ATRNL1: variants seen among roughly 807,000 people sequenced by gnomAD.
ATRNL1 encodes the protein attractin-like protein 1.
ATRNL1 carries 95 observed loss-of-function variants against 182.7 expected under a neutral mutation model. That is an observed-to-expected ratio of 0.52 (90% CI 0.44 to 0.62). The LOEUF (loss-of-function observed/expected upper bound fraction) is 0.62. Among genes scored for constraint, ATRNL1 ranks in the 20% least tolerant of loss-of-function variants. The probability of loss-of-function intolerance (pLI) is 0.00; values close to 1 mark genes in which losing one functional copy is unlikely to be tolerated. For missense variants in ATRNL1, 1,471 were observed against 1,679.5 expected (o/e 0.88, Z 2.17); for synonymous variants, 576 against 568.3 (o/e 1.01, Z -0.19).
At chr10:115,115,561 G>C (rs1554869682) in intron 1 of ATRNL1, among the ~76,000 whole-genome samples, 1 of 151,902 alleles carries the variant, frequency 6.6e-6, no homozygotes, top group Non-Finnish European at 1.5e-5. Context: ...AAAATAAAAA[G>C]GAATTAATAA....
At chr10:115,592,480 C>T (rs574977897) in intron 26 of ATRNL1, among the ~76,000 whole-genome samples, 3 of 152,236 alleles carry the variant, frequency 2.0e-5, no homozygotes, top group Admixed American at 2.0e-4. Context: ...ACATTTTCAT[C>T]ATCCTAAAAA....
intron 26 of ATRNL1, among the ~76,000 whole-genome samples, chr10:115,609,338 T>C (rs1857035390): frequency 1.3e-5 from 2 of 152,054 alleles, no homozygotes; most frequent in Non-Finnish European, 2.9e-5. Context: ...GCTGAGGAGC[T>C]TTCAAGGAAA....
intron 19 of ATRNL1, among the ~76,000 whole-genome samples, chr10:115,358,210 T>C (rs1554943328): frequency 6.6e-6 from 1 of 151,712 alleles, no homozygotes; most frequent in Non-Finnish European, 1.5e-5. Flanking sequence ...CCATTTACAA[T>C]CCACCTTTAT....
chr10:115,752,379 T>C (rs1373528984), intron 27 of ATRNL1, among the ~76,000 whole-genome samples: 2 of 152,058 alleles, frequency 1.3e-5, no homozygotes, highest in Admixed American at 1.3e-4. Context: ...AAATATGTAC[T>C]GAGCCCCTAT....
intron 8 of ATRNL1, among the ~76,000 whole-genome samples, chr10:115,198,637 G>A (rs1034959901): frequency 3.3e-5 from 5 of 151,808 alleles, no homozygotes; most frequent in East Asian, 1.9e-4. Context: ...TTACCATTTC[G>A]TGTCTTATCT....
At chr10:115,625,821 A>T (rs1483466953) in intron 26 of ATRNL1, among the ~76,000 whole-genome samples, 1 of 152,068 alleles carries the variant, frequency 6.6e-6, no homozygotes, top group African/African-American at 2.4e-5. Context: ...TCCAACCTCA[A>T]TGAACAAACT....
chr10:115,236,592 ACT>A (rs1331743763), intron 9 of ATRNL1, among the ~76,000 whole-genome samples: 1 of 152,042 alleles, frequency 6.6e-6, no homozygotes, highest in Non-Finnish European at 1.5e-5. Context: ...TTAACAATAA[ACT>A]CTATGTTTTA....
chr10:115,770,308 A>G (rs1555076032), intron 27 of ATRNL1, among the ~76,000 whole-genome samples: 1 of 152,144 alleles, frequency 6.6e-6, no homozygotes, highest in African/African-American at 2.4e-5. Context: ...CTGGTAATAA[A>G]AATGGCATAC....
At chr10:115,781,324 C>A (rs1430235683) in intron 27 of ATRNL1, among the ~76,000 whole-genome samples, 1 of 152,136 alleles carries the variant, frequency 6.6e-6, no homozygotes, top group African/African-American at 2.4e-5. Flanking sequence ...CATATACATA[C>A]TGTATGACCA....
intron 28 of ATRNL1, among the ~76,000 whole-genome samples, chr10:115,863,931 C>T (rs1320872398): frequency 6.6e-6 from 1 of 152,106 alleles, no homozygotes; most frequent in Non-Finnish European, 1.5e-5. Context: ...CCTGAAGGAG[C>T]AGCTAATGGC....
At chr10:115,569,491 T>C (rs1299769719) in intron 26 of ATRNL1, among the ~76,000 whole-genome samples, 2 of 152,182 alleles carry the variant, frequency 1.3e-5, no homozygotes, top group African/African-American at 2.4e-5. Context: ...GAGTGTTTTG[T>C]CAAACTTTGG....
chr10:115,354,402 G>C (rs961862058), intron 19 of ATRNL1, among the ~76,000 whole-genome samples: 3 of 151,650 alleles, frequency 2.0e-5, no homozygotes, highest in Non-Finnish European at 4.4e-5. Flanking sequence ...CTCAGCTTTT[G>C]TTTGTCTGGG....
At position 115,599,525 on chromosome 10, in the gene ATRNL1, C is replaced by A. The variant is rs190426337; in HGVS notation, c.3795+49989C>A. ...AAGGATATTTTTAAGTAAAGTAAAC[C>A]CGGATTTTTTTTGTTATTCTACAAG... On this transcript the variant is annotated intron_variant, in intron 26 of 28. Transcript: ENST00000355044. Among the ~76,000 whole-genome samples the A allele has an allele frequency of 2.4e-3, 274 of 111,842 alleles. 5 individuals carry two copies. The highest frequency in any genetic ancestry group is 0.019 in the Admixed American group (239 of 12,384). The allele number at this position is 111,842 out of a possible 152,430, so 73.4% of individuals were successfully genotyped here. A position where few individuals can be genotyped will look rare whatever the true frequency, so the allele number is the denominator to read the frequency against.
chr10:115,192,127 T>A (rs1425586830), intron 8 of ATRNL1, among the ~76,000 whole-genome samples: 5 of 152,148 alleles, frequency 3.3e-5, no homozygotes, highest in Non-Finnish European at 7.4e-5. Context: ...CATTTTTTGC[T>A]TTGGTTACCT....
In ATRNL1 at chr10:115,380,980, G is replaced by A. The variant is rs118183742; in HGVS notation, c.3176-13679G>A. Among the ~76,000 whole-genome samples, 1,049 of 152,216 alleles carry A rather than the reference G, an allele frequency of 6.9e-3. 6 individuals carry two copies. Among genetic ancestry groups the A allele is most frequent in the Non-Finnish European group, 0.012 (833 of 68,002 alleles). On this transcript the variant is annotated intron_variant, in intron 19 of 28. Transcript: ENST00000355044. ...GACTACCAAATTGTTTCCAAGAATA[G>A]CTGCATCATTATACATCTTGACCAG...
chr10:115,110,707 G>C (rs1474506863), intron 1 of ATRNL1, among the ~76,000 whole-genome samples: 1 of 152,106 alleles, frequency 6.6e-6, no homozygotes, highest in East Asian at 1.9e-4. Context: ...ATACATAGTT[G>C]AAAAAAGTTA....
At chr10:115,156,850 A>T (rs1846543071) in intron 5 of ATRNL1, among the ~76,000 whole-genome samples, 1 of 152,136 alleles carries the variant, frequency 6.6e-6, no homozygotes, top group Non-Finnish European at 1.5e-5. Flanking sequence ...ATATTTTTAT[A>T]AAAAAGGAGT....
chr10:115,847,348 G>C (rs1950952749), intron 27 of ATRNL1, among the ~76,000 whole-genome samples: 1 of 152,052 alleles, frequency 6.6e-6, no homozygotes, highest in Non-Finnish European at 1.5e-5. Context: ...AATGTGCTAA[G>C]AGAGTGTATT....
At chr10:115,443,785 A>AT (rs1467679056) in intron 21 of ATRNL1, among the ~76,000 whole-genome samples, 4 of 152,008 alleles carry the variant, frequency 2.6e-5, no homozygotes, top group African/African-American at 4.8e-5. Flanking sequence ...CCCTTGATAT[A>AT]TTTTTTGCTA....
Sources: allele counts gnomAD v4.1 joint callset (sites outside exome capture counted in the v4.1 genomes callset), GRCh38; gene constraint gnomAD v4.1.1; transcripts MANE v1.5; gene names NCBI Gene and HGNC (gene_info 2026-07-23, HGNC 2026-07-21).